CORO1C: variants seen among roughly 807,000 people sequenced by gnomAD.
CORO1C encodes the protein coronin 1C.
In CORO1C, 14 loss-of-function variants were observed where a neutral mutation model predicts 51.2. The ratio of observed to expected loss-of-function variants is 0.27; its 90% CI spans 0.18 to 0.43. The LOEUF (loss-of-function observed/expected upper bound fraction) is 0.43, where lower values mean the gene tolerates loss of function less well. Among genes scored for constraint, CORO1C ranks in the 20% least tolerant of loss-of-function variants. The probability of loss-of-function intolerance (pLI) is 1.00; values close to 1 mark genes in which losing one functional copy is unlikely to be tolerated. For missense variants in CORO1C, 417 were observed against 607.8 expected, an observed-to-expected ratio of 0.69 and a Z score of 3.30; for synonymous variants, 181 against 210.5, an observed-to-expected ratio of 0.86 and a Z score of 1.21.
rs139386424 is a variant in CORO1C at position 108,648,607 on chromosome 12, C to T, written c.1303G>A (p.Val435Met). The T allele has an allele frequency of 3.5e-5, 57 of 1,614,198 alleles. No individual in the cohort carries two copies. The African/African-American group carries it at 6.8e-4, about 19-fold the overall frequency. Reference sequence around the variant, plus strand: ...CCCTGCACTCCACTGGTCCTCACCACACTGGCCGTGTCTGTGGTTTTCTTG... The same window carrying T: ...CCCTGCACTCCACTGGTCCTCACCATACTGGCCGTGTCTGTGGTTTTCTTG... ...IPKKTTDTAS[V>M]QNEAKLDEIL... The change falls in exon 10 of 11, where the codon GTG (valine) becomes ATG (methionine). Residue 435 changes from valine (V) to methionine (M), a missense_variant and splice_region_variant. Transcript: ENST00000261401.
intron 2 of CORO1C, among the ~76,000 whole-genome samples, chr12:108,691,072 T>C (rs76482184): frequency 0.058 from 8,647 of 148,962 alleles, 505 homozygotes; most frequent in East Asian, 0.32. Context: ...AGATGATAAA[T>C]AGAAAAATAT....
rs531853274 is a variant in CORO1C, at chr12:108,729,654, G to A, written c.-6+1775C>T. Among the ~76,000 whole-genome samples the A allele has an allele frequency of 1.1e-4, 17 of 152,184 alleles. No individual in the cohort carries two copies. The South Asian group carries it at 2.9e-3, about 26-fold the overall frequency. ...TCTCAGATCCAATGTTTACTATTATGCTTCATAGCCAAACATTATGACTGT... is the reference window on the plus strand; with the variant it reads ...TCTCAGATCCAATGTTTACTATTATACTTCATAGCCAAACATTATGACTGT... On this transcript the variant is annotated intron_variant, in intron 1 of 10. Transcript: ENST00000261401.
intron 3 of CORO1C, among the ~76,000 whole-genome samples, chr12:108,666,315 C>T (rs776750481): frequency 6.6e-6 from 1 of 152,014 alleles, no homozygotes; most frequent in Non-Finnish European, 1.5e-5. Flanking sequence ...GACTGCAATG[C>T]GAGAAGAAAG....
intron 2 of CORO1C, among the ~76,000 whole-genome samples, chr12:108,695,251 T>C (rs1249986837): frequency 6.6e-6 from 1 of 152,176 alleles, no homozygotes; most frequent in Non-Finnish European, 1.5e-5. Context: ...AGAGACAAAG[T>C]AGCAGCCAGT....
intron 3 of CORO1C, among the ~76,000 whole-genome samples, chr12:108,667,303 G>A (rs540576826): frequency 6.6e-6 from 1 of 152,292 alleles, no homozygotes; most frequent in South Asian, 2.1e-4. Flanking sequence ...AATTACCACA[G>A]TAAGGACAGA....
chr12:108,679,137 G>GAAAAAAAAAAAAAAAAAAAAAAAAAAAAA (rs2034028973), intron 2 of CORO1C, among the ~76,000 whole-genome samples: 1 of 38,562 alleles, frequency 2.6e-5, no homozygotes, highest in Non-Finnish European at 5.0e-5. Flanking sequence ...AAAGAAACAA[G>GAAAAAAAAAAAAAAAAAAAAAAAAAAAAA]AAAAAAGAAA....
intron 3 of CORO1C, among the ~76,000 whole-genome samples, chr12:108,668,723 A>C (rs2033595275): frequency 6.6e-6 from 1 of 152,208 alleles, no homozygotes; most frequent in Non-Finnish European, 1.5e-5. Flanking sequence ...TGGAAGGAAC[A>C]ATTATGCAAT....
At chr12:108,718,307 G>A (rs1216191922) in intron 1 of CORO1C, among the ~76,000 whole-genome samples, 4 of 151,672 alleles carry the variant, frequency 2.6e-5, no homozygotes, top group African/African-American at 9.7e-5. Context: ...GGCGGAGCTT[G>A]CAGTGAGCTG....
At chr12:108,651,143 T>A (rs957588116) in intron 8 of CORO1C, among the ~76,000 whole-genome samples, 1 of 152,170 alleles carries the variant, frequency 6.6e-6, no homozygotes, top group Admixed American at 6.5e-5. Flanking sequence ...TAGAGATTAA[T>A]ATAAAAAAGG....
chr12:108,682,507 G>A (rs1017329664), intron 2 of CORO1C, among the ~76,000 whole-genome samples: 1 of 152,152 alleles, frequency 6.6e-6, no homozygotes, highest in Non-Finnish European at 1.5e-5. Context: ...ACTATAAACT[G>A]TAATTCATCT....
Position 108,652,261 on chromosome 12 carries a change from C to T in CORO1C, c.1001+11G>A, listed in dbSNP as rs1161577914. 2.5e-6 allele frequency: 4 copies of T among 1,611,820 alleles called. No individual in the cohort carries two copies. The highest frequency in any genetic ancestry group is 1.1e-5 in the South Asian group (1 of 90,930). ...ACCAACCTAGAATACTTGACAATCT[C>T]GATTCTTTACCTGGCAATCTCACAT... On this transcript the variant is annotated intron_variant, in intron 8 of 10. Transcript: ENST00000261401.
chr12:108,648,880 AG>A (rs1565898003), intron 9 of CORO1C, 30 bp from the exon 10 acceptor site: 2 of 1,613,542 alleles, frequency 1.2e-6, no homozygotes, highest in Admixed American at 1.7e-5. Flanking sequence ...CCCGTGGGTA[AG>A]GAAGAAGAAA....
intron 1 of CORO1C, among the ~76,000 whole-genome samples, chr12:108,715,675 G>A (rs2035313553): frequency 6.2e-5 from 2 of 32,158 alleles, no homozygotes; most frequent in Non-Finnish European, 9.7e-5. Flanking sequence ...ACTGGCAGCA[G>A]CCATCTCCCT....
chr12:108,652,055 C>CTTTTTTTTTTTTTTTTTTTTTTTTGT (rs202228272), intron 8 of CORO1C: 1 of 142,370 alleles, frequency 7.0e-6, no homozygotes, highest in Non-Finnish European at 1.3e-5. Context: ...TTTTTCTTTT[C>CTTTTTTTTTTTTTTTTTTTTTTTTGT]TTTTTTTTTT....
intron 10 of CORO1C, among the ~76,000 whole-genome samples, 172 bp from the exon 11 acceptor site, chr12:108,647,694 T>C (rs2032430302): frequency 6.6e-6 from 1 of 152,208 alleles, no homozygotes; most frequent in Admixed American, 6.5e-5. Context: ...TTGAATGCAA[T>C]GAGCACTGGC....
At chr12:108,698,753 CAG>C (rs2034771827) in intron 2 of CORO1C, among the ~76,000 whole-genome samples, 1 of 152,202 alleles carries the variant, frequency 6.6e-6, no homozygotes, top group African/African-American at 2.4e-5. Context: ...GAGAGAGAAA[CAG>C]AGGAGCGGAA....
intron 4 of CORO1C, among the ~76,000 whole-genome samples, chr12:108,659,661 C>G (rs1252068774): frequency 6.6e-6 from 1 of 152,184 alleles, no homozygotes; most frequent in Non-Finnish European, 1.5e-5. Flanking sequence ...GTTTAAATGA[C>G]TGTTTAGGGC....
chr12:108,684,919 T>C (rs2034246189), intron 2 of CORO1C, among the ~76,000 whole-genome samples: 1 of 152,172 alleles, frequency 6.6e-6, no homozygotes, highest in Non-Finnish European at 1.5e-5. Flanking sequence ...CCTGAATTGT[T>C]TTGTTTTACA....
intron 6 of CORO1C, among the ~76,000 whole-genome samples, chr12:108,655,376 CT>C (rs1329795291): frequency 6.3e-4 from 95 of 150,542 alleles, no homozygotes; most frequent in Non-Finnish European, 5.5e-4. Context: ...CCCCCTCCCC[CT>C]CTCCCTCTCC....
Sources: allele counts gnomAD v4.1 joint callset (sites outside exome capture counted in the v4.1 genomes callset), GRCh38; gene constraint gnomAD v4.1.1; transcripts MANE v1.5; gene names NCBI Gene and HGNC (gene_info 2026-07-23, HGNC 2026-07-21).